The following DRC9 variants were observed in gnomAD, a reference collection of about 807,000 sequenced individuals.
DRC9 encodes the protein dynein regulatory complex protein 9.
the DRC9 span, among the ~76,000 whole-genome samples, chr3:197,940,188 G>A: frequency 6.6e-6 from 1 of 151,766 alleles, no homozygotes; most frequent in Non-Finnish European, 1.5e-5. Flanking sequence ...TAGAGATGAG[G>A]TTTCGCCATT....
the DRC9 span, chr3:197,955,702 C>T: frequency 9.8e-4 from 1,437 of 1,461,730 alleles, 7 homozygotes; most frequent in African/African-American, 0.016. Context: ...GATTTGTAGA[C>T]GTATATATAA....
At chr3:197,948,998 C>G in the DRC9 span, among the ~76,000 whole-genome samples, 2 of 152,130 alleles carry the variant, frequency 1.3e-5, no homozygotes. Context: ...TGTTCAGGAC[C>G]CTTAAATAGT....
At chr3:197,922,762 C>G in the DRC9 span, among the ~76,000 whole-genome samples, 1 of 149,958 alleles carries the variant, frequency 6.7e-6, no homozygotes, top group African/African-American at 2.5e-5. Context: ...TATTTTAAAA[C>G]ATACTTAAAA....
chr3:197,951,530 A>C, the DRC9 span: 2 of 520,316 alleles, frequency 3.8e-6, no homozygotes, highest in Admixed American at 3.2e-5. Flanking sequence ...TTTTTGTATT[A>C]TTAGTAGAGA....
At chr3:197,898,853 C>A in the DRC9 span, among the ~76,000 whole-genome samples, 1 of 152,106 alleles carries the variant, frequency 6.6e-6, no homozygotes, top group Non-Finnish European at 1.5e-5. Flanking sequence ...AGAACCAAAC[C>A]ATATCAGATG....
chr3:197,890,003 T>G, the DRC9 span, among the ~76,000 whole-genome samples: 273 of 152,338 alleles, frequency 1.8e-3, 1 homozygote, highest in African/African-American at 6.3e-3. Flanking sequence ...CTTATACTGC[T>G]TTCCTTGAGG....
chr3:197,936,618 C>T, the DRC9 span, among the ~76,000 whole-genome samples: 1 of 152,214 alleles, frequency 6.6e-6, no homozygotes, highest in African/African-American at 2.4e-5. Flanking sequence ...CCACCTTGGC[C>T]TCCCAAAGCA....
the DRC9 span, among the ~76,000 whole-genome samples, chr3:197,947,449 C>T: frequency 6.6e-6 from 1 of 152,208 alleles, no homozygotes; most frequent in Non-Finnish European, 1.5e-5. Flanking sequence ...CTAGACCCAA[C>T]TACAACTGCA....
the DRC9 span, among the ~76,000 whole-genome samples, chr3:197,911,555 G>A: frequency 1.3e-5 from 2 of 152,076 alleles, no homozygotes; most frequent in Admixed American, 6.5e-5. Flanking sequence ...TAAAGAAACT[G>A]TAATAACATA....
At chr3:197,951,352 T>G in the DRC9 span, 1 of 1,602,566 alleles carries the variant, frequency 6.2e-7, no homozygotes, top group Non-Finnish European at 8.5e-7. Flanking sequence ...TTTTGAGATC[T>G]GCCTCATTTT....
chr3:197,943,187 A>C, the DRC9 span, among the ~76,000 whole-genome samples: 1 of 152,226 alleles, frequency 6.6e-6, no homozygotes, highest in African/African-American at 2.4e-5. Context: ...AGGTTGCAGC[A>C]GCTGAGAAAT....
chr3:197,951,059 C>T, the DRC9 span: 1 of 1,603,616 alleles, frequency 6.2e-7, no homozygotes, highest in Non-Finnish European at 8.5e-7. Context: ...CAAGAAAAAA[C>T]TTAGATGTTT....
the DRC9 span, chr3:197,949,940 G>A: frequency 2.4e-6 from 1 of 425,304 alleles, no homozygotes; most frequent in Non-Finnish European, 4.0e-6. Context: ...TGTTTCTATG[G>A]CAACGCACAG....
the DRC9 span, chr3:197,949,285 G>A: frequency 6.6e-6 from 1 of 152,174 alleles, no homozygotes; most frequent in Non-Finnish European, 1.5e-5. Context: ...GAATCCATAG[G>A]ATAACCCAAA....
At chr3:197,889,257 G>A in the DRC9 span, 12 of 277,730 alleles carry the variant, frequency 4.3e-5, no homozygotes, top group Middle Eastern at 2.4e-3. Flanking sequence ...GTTTCAATGC[G>A]TCACTGTAGC....
At chr3:197,945,992 T>C in the DRC9 span, among the ~76,000 whole-genome samples, 1 of 152,244 alleles carries the variant, frequency 6.6e-6, no homozygotes, top group Non-Finnish European at 1.5e-5. Flanking sequence ...ATCACCGATT[T>C]TTAATTGGTA....
chr3:197,930,905 G>A, the DRC9 span, among the ~76,000 whole-genome samples: 1 of 151,822 alleles, frequency 6.6e-6, no homozygotes, highest in African/African-American at 2.4e-5. Context: ...GCAGTGGTGG[G>A]TGCCTGTAAT....
the DRC9 span, among the ~76,000 whole-genome samples, chr3:197,902,845 A>G: frequency 6.6e-6 from 1 of 152,194 alleles, no homozygotes; most frequent in Non-Finnish European, 1.5e-5. Flanking sequence ...TAAAATTTAT[A>G]TGGAACCACA....
the DRC9 span, among the ~76,000 whole-genome samples, chr3:197,918,676 T>A: frequency 1.2e-4 from 18 of 152,184 alleles, no homozygotes; most frequent in Non-Finnish European, 2.4e-4. Context: ...CTCAAGAGCA[T>A]GTTCTGGTAA....
Sources: allele counts gnomAD v4.1 joint callset (sites outside exome capture counted in the v4.1 genomes callset), GRCh38; gene constraint gnomAD v4.1.1; transcripts MANE v1.5; gene names NCBI Gene and HGNC (gene_info 2026-07-23, HGNC 2026-07-21).